The following LRP1 variants were observed in gnomAD, a reference collection of about 807,000 sequenced individuals.
The protein encoded by LRP1 is prolow-density lipoprotein receptor-related protein 1.
LRP1 carries 51 observed loss-of-function variants against 541.5 expected under a neutral mutation model. The ratio of observed to expected loss-of-function variants is 0.09; its 90% CI spans 0.08 to 0.12. The LOEUF is 0.12. Ranked by LOEUF, LRP1 falls within the 10% of genes least tolerant of loss-of-function variation. The pLI is 1.00. For synonymous variants in LRP1, 2,219 were observed against 2,470.8 expected (o/e 0.90, Z 3.02); for missense variants, 3,878 against 6,376.2 (o/e 0.61, Z 13.34).
chr12:57,211,094 C>T lies in LRP1; in HGVS notation c.12917-82C>T. On this transcript the variant is annotated intron_variant, in intron 83 of 88. Coordinates refer to ENST00000243077, the MANE Select transcript of LRP1 (RefSeq NM_002332.3). The surrounding 1 kb of genome is among the most constrained non-coding windows in gnomAD (Gnocchi z 4.3). ...GTGCACCCCCTGCACCAAGATTATGCAAACAGAAAAGCTCTGTTCAACCTA... is the reference window on the plus strand; with the variant it reads ...GTGCACCCCCTGCACCAAGATTATGTAAACAGAAAAGCTCTGTTCAACCTA... 1 of 1,500,216 alleles carries T rather than the reference C, an allele frequency of 6.7e-7. No homozygotes were observed. The highest frequency in any genetic ancestry group is 9.1e-7 in the Non-Finnish European group (1 of 1,095,450). 92.9% of individuals were successfully genotyped at this position (1,500,216 alleles called of 1,614,324 possible). A position where few individuals can be genotyped will look rare whatever the true frequency, so the allele number is the denominator to read the frequency against.
rs554573693 is a variant in LRP1, at chr12:57,197,227, G to A, written c.9076+62G>A. 6.2e-7 allele frequency: 1 copy of A among 1,612,920 alleles called. No individual in the cohort carries two copies. The highest frequency in any genetic ancestry group is 1.1e-5 in the South Asian group (1 of 91,048). ...GCTGTGTGGGACTGCCCGGGTGGCA[G>A]AGCTCCAGACAGGCAGGAGACCAGG... On this transcript the variant is annotated intron_variant, in intron 56 of 88. Coordinates refer to ENST00000243077, the MANE Select transcript of LRP1 (RefSeq NM_002332.3). The surrounding 1 kb of genome is among the most constrained non-coding windows in gnomAD (Gnocchi z 4.5).
rs372667799 is a variant in LRP1 at position 57,175,479 on chromosome 12, C to T, written c.3567C>T (p.Asn1189=). The T allele has an allele frequency of 1.2e-4, 201 of 1,613,532 alleles. No homozygotes were observed. The highest frequency in any genetic ancestry group is 1.4e-4 in the South Asian group (13 of 91,086). ...CCCTAGACCAGTGCTCTCTGAATAA[C>T]GGTGGCTGCAGCCACAACTGCTCAG... is the stretch of plus-strand genomic sequence containing the variant. ...GELCDQCSLN[N]GGCSHNCSVA... is the part of the protein sequence containing the mutation. The change falls in exon 23 of 89, where the codon AAC becomes AAT. Residue 1189 remains asparagine, a synonymous_variant. Coordinates refer to ENST00000243077, the MANE Select transcript of LRP1 (RefSeq NM_002332.3).
At chr12:57,169,044 AG>A in intron 19 of LRP1, 95 bp from the exon 20 acceptor site, 1 of 1,033,224 alleles carries the variant, frequency 9.7e-7, no homozygotes, top group South Asian at 1.5e-5. Flanking sequence ...GGGTGGGCTG[AG>A]GGTGGGTTCT....
chr12:57,141,776 G>T lies in LRP1; in HGVS notation c.328+265G>T, dbSNP rs796169261. The stretch of plus-strand genomic sequence containing the variant: ...TGGACTAGTCACTACCTCTCTCCAG[G>T]TGGCAGTTTTTCTTCTGTAAGATGA... On this transcript the variant is annotated intron_variant, in intron 3 of 88. Coordinates refer to ENST00000243077, the MANE Select transcript of LRP1 (RefSeq NM_002332.3). Among the ~76,000 whole-genome samples, 6 of 152,310 alleles carry T rather than the reference G, an allele frequency of 3.9e-5. No homozygotes were observed. In the East Asian group the frequency reaches 1.2e-3, roughly 29 times the overall value.
intron 42 of LRP1, among the ~76,000 whole-genome samples, chr12:57,188,220 G>T (rs1242685260): frequency 6.6e-6 from 1 of 152,222 alleles, no homozygotes; most frequent in Non-Finnish European, 1.5e-5. Context: ...TCCCGCAGGG[G>T]CAGCCCTCAT....
rs376665069 is a variant in LRP1, at chr12:57,161,046, G to A, written c.2133G>A (p.Gly711=). 10 of 1,613,814 alleles carry A rather than the reference G, an allele frequency of 6.2e-6. No homozygotes were observed. In the East Asian group the frequency reaches 8.9e-5, roughly 14 times the overall value. ...GGCTAAGCCTGGACATCCCGGCTGG[G>A]CGCCTCTACTGGGTGGATGCCTTCT... ...PNGLSLDIPA[G]RLYWVDAFYD... Residue 711 remains glycine (G), a synonymous_variant, in exon 13 of 89, where the codon GGG becomes GGA. Coordinates refer to ENST00000243077, the MANE Select transcript of LRP1 (RefSeq NM_002332.3).
rs928054219 is a variant in LRP1, at chr12:57,201,282, T to G, written c.10345+129T>G. ...GATGGGCAACACAAATTATATTGGG[T>G]GTAACTTGCTTTGCTCATAAAAATC... On this transcript the variant is annotated intron_variant, in intron 65 of 88. Coordinates refer to ENST00000243077, the MANE Select transcript of LRP1 (RefSeq NM_002332.3). This position sits in a 1 kb window ranked among gnomAD's most constrained non-coding sequence, Gnocchi z 6.4. The G allele has an allele frequency of 7.4e-5, 107 of 1,447,770 alleles. No individual in the cohort carries two copies. The highest frequency in any genetic ancestry group is 9.8e-5 in the Non-Finnish European group (104 of 1,058,742). The allele number at this position is 1,447,770 out of a possible 1,614,324, so 89.7% of individuals were successfully genotyped here. A position where few individuals can be genotyped will look rare whatever the true frequency, so the allele number is the denominator to read the frequency against.
chr12:57,183,091 G>A lies in LRP1; in HGVS notation c.5663-288G>A, dbSNP rs149262930. On this transcript the variant is annotated intron_variant, in intron 34 of 88. Coordinates refer to ENST00000243077, the MANE Select transcript of LRP1 (RefSeq NM_002332.3). The surrounding 1 kb of genome is among the most constrained non-coding windows in gnomAD (Gnocchi z 6.1). Reference sequence around the variant, plus strand: ...ACTTGCAGGGGTGCAGGGTTGGGTTGTGCTGGGTGGAGGCCGGCAGAGCAC... The same window carrying A: ...ACTTGCAGGGGTGCAGGGTTGGGTTATGCTGGGTGGAGGCCGGCAGAGCAC... Among the ~76,000 whole-genome samples the A allele has an allele frequency of 2.0e-4, 30 of 152,312 alleles. No individual in the cohort carries two copies. In the East Asian group the frequency reaches 3.9e-3, roughly 20 times the overall value.
Position 57,195,358 on chromosome 12 carries a change from A to T in LRP1, c.8396A>T (p.Asp2799Val), listed in dbSNP as rs1170467500. The change falls in exon 52 of 89, where the codon GAC becomes GTC. Residue 2799 changes from aspartate to valine, a missense_variant. Physicochemically the swap from Asp to Val is radical, Grantham distance 152. Coordinates refer to ENST00000243077, the MANE Select transcript of LRP1 (RefSeq NM_002332.3). ...PERWLCDGDK[D>V]CADGADESIA... is the part of the protein sequence containing the mutation. ...CGCTGGCTCTGTGACGGTGACAAAG[A>T]CTGTGCTGATGGTGCAGACGAGAGC... 2 of 1,611,412 alleles carry T rather than the reference A, an allele frequency of 1.2e-6. No homozygotes were observed. The highest frequency in any genetic ancestry group is 1.7e-5 in the Admixed American group (1 of 60,026).
chr12:57,180,380 A>T lies in LRP1; in HGVS notation c.5287A>T (p.Asn1763Tyr). ...ESKLYWISSG[N>Y]HTINRCNLDG... ...CAAACTCTACTGGATCAGCTCCGGG[A>T]ACCATACCATCAACCGCTGCAACCT... is the stretch of plus-strand genomic sequence containing the variant. The change falls in exon 32 of 89, where the codon AAC becomes TAC. Residue 1763 changes from asparagine (N) to tyrosine (Y), a missense_variant. Asn to Tyr is a moderately radical substitution (Grantham distance 143). Transcript: ENST00000243077. 1 of 1,614,160 alleles carries T rather than the reference A, an allele frequency of 6.2e-7. No individual in the cohort carries two copies.
intron 13 of LRP1, among the ~76,000 whole-genome samples, 194 bp downstream of exon 13, chr12:57,161,309 GTTGT>G (rs2035729126): frequency 1.3e-5 from 2 of 152,322 alleles, no homozygotes; most frequent in South Asian, 4.1e-4. Context: ...TATGTATTGT[GTTGT>G]TTGTTTGAGG....
chr12:57,138,689 C>T, intron 2 of LRP1, 108 bp downstream of exon 2: 2 of 1,444,450 alleles, frequency 1.4e-6, no homozygotes, highest in Non-Finnish European at 1.9e-6. Flanking sequence ...GTGGACCTTG[C>T]TCAGTGATTG....
At position 57,180,039 on chromosome 12, in the gene LRP1, C is replaced by T. The variant is rs1212585661; in HGVS notation, c.5142-8C>T. 2.5e-6 allele frequency: 4 copies of T among 1,613,066 alleles called. No individual in the cohort carries two copies. The highest frequency in any genetic ancestry group is 2.5e-6 in the Non-Finnish European group (3 of 1,179,244). On this transcript the variant is annotated splice_polypyrimidine_tract_variant and splice_region_variant and intron_variant, in intron 30 of 88. Coordinates refer to ENST00000243077, the MANE Select transcript of LRP1 (RefSeq NM_002332.3). ...CCTGACCTTTCCCTCTTGGCACCCT[C>T]CCCCCAGGAAGCTCTACTGGACCGA... is the stretch of plus-strand genomic sequence containing the variant.
At chr12:57,143,878 A>G in intron 4 of LRP1, 80 bp downstream of exon 4, 1 of 1,486,456 alleles carries the variant, frequency 6.7e-7, no homozygotes, top group South Asian at 1.4e-5. Context: ...AGAGAGGGGT[A>G]GGGGGCCTGG....
chr12:57,158,256 G>T lies in LRP1; in HGVS notation c.1562-146G>T, dbSNP rs1007600493. The T allele has an allele frequency of 7.2e-6, 5 of 693,360 alleles. No homozygotes were observed. The highest frequency in any genetic ancestry group is 1.3e-5 in the Non-Finnish European group (5 of 397,594). The allele number at this position is 693,360 out of a possible 1,614,324, so 43.0% of individuals were successfully genotyped here. The stretch of plus-strand genomic sequence containing the variant: ...CGTCCTGTATGTTAGCGTGTGCGTG[G>T]TCTGTCCATCTGACCCAGAGCCTCG... On this transcript the variant is annotated intron_variant, in intron 10 of 88. Transcript: ENST00000243077. The surrounding 1 kb of genome is among the most constrained non-coding windows in gnomAD (Gnocchi z 5.3).
chr12:57,165,540 G>A lies in LRP1; in HGVS notation c.2531-265G>A. The stretch of plus-strand genomic sequence containing the variant: ...GTTCGGTGGTGACAGAGGTATAGAG[G>A]CCATGGGCTCTCTTGGACACCATTT... On this transcript the variant is annotated intron_variant, in intron 15 of 88. Coordinates refer to ENST00000243077, the MANE Select transcript of LRP1 (RefSeq NM_002332.3). The surrounding 1 kb of genome is among the most constrained non-coding windows in gnomAD (Gnocchi z 4.5). 1 of 421,254 alleles carries A rather than the reference G, an allele frequency of 2.4e-6. No individual in the cohort carries two copies. The highest frequency in any genetic ancestry group is 4.3e-6 in the Non-Finnish European group (1 of 230,272). 26.1% of individuals were successfully genotyped at this position (421,254 alleles called of 1,614,324 possible).
intron 22 of LRP1, among the ~76,000 whole-genome samples, chr12:57,174,885 C>T (rs1250962086): frequency 5.3e-5 from 8 of 152,168 alleles, no homozygotes; most frequent in Non-Finnish European, 7.4e-5. Flanking sequence ...AGCAGAGCAG[C>T]CTTATCTGGT....
chr12:57,161,820 C>T (rs1448791071), intron 13 of LRP1, among the ~76,000 whole-genome samples: 2 of 152,180 alleles, frequency 1.3e-5, no homozygotes, highest in Non-Finnish European at 1.5e-5. Context: ...CACACTGGAT[C>T]ACCCGTATGT....
intron 32 of LRP1, 55 bp downstream of exon 32, chr12:57,180,534 C>G (rs1357874625): frequency 3.7e-6 from 6 of 1,608,794 alleles, no homozygotes; most frequent in Non-Finnish European, 5.1e-6. Context: ...GCCAGACCTA[C>G]TGGGAGACAG....
Sources: allele counts gnomAD v4.1 joint callset (sites outside exome capture counted in the v4.1 genomes callset), GRCh38; gene constraint gnomAD v4.1.1; non-coding constraint Gnocchi (gnomAD v3.1); transcripts MANE v1.5; gene names NCBI Gene and HGNC (gene_info 2026-07-23, HGNC 2026-07-21).